ACRBP: variants seen among roughly 807,000 people sequenced by gnomAD.
The protein encoded by ACRBP is acrosin binding protein.
ACRBP carries 52 observed loss-of-function variants against 69.0 expected under a neutral mutation model. The observed-to-expected ratio is 0.75, with a 90% CI of 0.60 to 0.95. The LOEUF (loss-of-function observed/expected upper bound fraction) is 0.95. Ranked by LOEUF, ACRBP falls within the 40% of genes least tolerant of loss-of-function variation. ACRBP has a pLI of 0.00. For synonymous variants in ACRBP, 267 were observed against 258.9 expected, an observed-to-expected ratio of 1.03 and a Z score of -0.30; for missense variants, 604 against 673.0, an observed-to-expected ratio of 0.90 and a Z score of 1.13.
Position 6,645,223 on chromosome 12 carries a change from T to A in ACRBP, c.472A>T (p.Thr158Ser). The A allele has an allele frequency of 1.2e-5, 20 of 1,609,498 alleles. No individual in the cohort carries two copies. The highest frequency in any genetic ancestry group is 1.6e-5 in the Non-Finnish European group (19 of 1,176,346). Residue 158 changes from threonine (T) to serine (S), a missense_variant, in exon 4 of 10, where the codon ACA (threonine) becomes TCA (serine). Physicochemically the swap from Thr to Ser is moderately conservative, Grantham distance 58. Transcript: ENST00000229243. ...TMTSPISPHF[T>S]VTERQTFQPW... is the part of the protein sequence containing the mutation. Reference sequence around the variant, plus strand: ...CCGGCTGCTGAGAGGGTCTCACCTGTGAAGTGGGGTGAGATGGGGGAGGTC... The same window carrying A: ...CCGGCTGCTGAGAGGGTCTCACCTGAGAAGTGGGGTGAGATGGGGGAGGTC...
rs777671054 is a variant in ACRBP, at chr12:6,647,426, CAG to C, written c.-62_-61del. ...AAGCCGCCTCTAACGGGCCAAGCCG[CAG>C]AGAGAGCCGCAGGCGCGGGGCGGGG... On this transcript the variant is annotated 5_prime_UTR_variant, in exon 1 of 10. Coordinates refer to ENST00000229243, the MANE Select transcript of ACRBP (RefSeq NM_032489.3). 2.4e-4 allele frequency: 354 copies of C among 1,457,184 alleles called. No individual in the cohort carries two copies. The highest frequency in any genetic ancestry group is 3.1e-4 in the Non-Finnish European group (336 of 1,095,004). The allele number at this position is 1,457,184 out of a possible 1,614,324, so 90.3% of individuals were successfully genotyped here.
At chr12:6,641,261 A>G (rs555096044) in intron 6 of ACRBP, among the ~76,000 whole-genome samples, 1 of 152,326 alleles carries the variant, frequency 6.6e-6, no homozygotes, top group African/African-American at 2.4e-5. Flanking sequence ...CCTCAGCACT[A>G]GCAGGAGATC....
chr12:6,646,901 G>C lies in ACRBP; in HGVS notation c.155C>G (p.Pro52Arg). ...EYERFFALLT[P>R]TWKAETTCRL... ...GCAGGTAGTCTCTGCCTTCCAGGTTGGAGTCAGCAGTGCGAAGAAGCGTTC... is the reference window on the plus strand; with the variant it reads ...GCAGGTAGTCTCTGCCTTCCAGGTTCGAGTCAGCAGTGCGAAGAAGCGTTC... Residue 52 changes from proline (P) to arginine (R), a missense_variant, in exon 2 of 10, where the codon CCA (proline) becomes CGA (arginine). Around this residue, in one of 3 missense-constraint regions of ACRBP, gnomAD observed 532 missense variants for 562.9 expected, o/e 0.95. Transcript: ENST00000229243. 6.2e-7 allele frequency: 1 copy of C among 1,614,166 alleles called. No homozygotes were observed. The highest frequency in any genetic ancestry group is 8.5e-7 in the Non-Finnish European group (1 of 1,180,034).
intron 1 of ACRBP, 113 bp downstream of exon 1, chr12:6,647,211 C>T: frequency 7.6e-7 from 1 of 1,317,626 alleles, no homozygotes; most frequent in Non-Finnish European, 1.0e-6. Context: ...CCTAGGGAGC[C>T]GACCCAGCGC....
intron 5 of ACRBP, 71 bp downstream of exon 5, chr12:6,644,066 A>G (rs1471663304): frequency 7.9e-6 from 12 of 1,519,898 alleles, no homozygotes; most frequent in Non-Finnish European, 1.1e-5. Flanking sequence ...AAGCTAGGAA[A>G]ATGGGCTTCT....
At chr12:6,642,873 G>A (rs1949062641) in intron 6 of ACRBP, among the ~76,000 whole-genome samples, 1 of 152,168 alleles carries the variant, frequency 6.6e-6, no homozygotes, top group Non-Finnish European at 1.5e-5. Flanking sequence ...AGATTCCCTG[G>A]AATGGGTTCT....
Position 6,644,248 on chromosome 12 carries a change from G to A in ACRBP, c.833C>T (p.Thr278Ile), listed in dbSNP as rs757538911. 3.0e-5 allele frequency: 48 copies of A among 1,614,138 alleles called. No homozygotes were observed. The East Asian group carries it at 1.0e-3, about 35-fold the overall frequency. Residue 278 changes from threonine (T) to isoleucine (I), a missense_variant, in exon 5 of 10, where the codon ACT becomes ATT. By Grantham distance (89) the Thr-to-Ile change is moderately conservative. Coordinates refer to ENST00000229243, the MANE Select transcript of ACRBP (RefSeq NM_032489.3). ...FAPRVREVES[T>I]PMIMENIQEL... The stretch of plus-strand genomic sequence containing the variant: ...CTGGATGTTCTCCATTATCATAGGA[G>A]TAGACTCTACTTCTCGTACCCGGGG...
chr12:6,644,586 G>A lies in ACRBP; in HGVS notation c.495C>T (p.Phe165=). 4.3e-6 allele frequency: 7 copies of A among 1,613,250 alleles called. No individual in the cohort carries two copies. The highest frequency in any genetic ancestry group is 5.9e-6 in the Non-Finnish European group (7 of 1,179,600). Residue 165 remains phenylalanine, a synonymous_variant, in exon 5 of 10, where the codon TTC becomes TTT. Coordinates refer to ENST00000229243, the MANE Select transcript of ACRBP (RefSeq NM_032489.3). ...PHFTVTERQT[F]QPWPERLSNN... is the part of the protein sequence containing the mutation. ...TGCTGAGCCTCTCAGGCCAGGGCTG[G>A]AAGGTCTGGCGTTCTGTCACTACAG...
chr12:6,641,746 T>A (rs1157683681), intron 6 of ACRBP, among the ~76,000 whole-genome samples: 2 of 152,166 alleles, frequency 1.3e-5, no homozygotes, highest in African/African-American at 4.8e-5. Flanking sequence ...ATTTCACTCA[T>A]GAAATTTCTA....
At chr12:6,645,359 G>C in intron 3 of ACRBP, 22 bp from the exon 4 acceptor site, 1 of 1,577,016 alleles carries the variant, frequency 6.3e-7, no homozygotes, top group Non-Finnish European at 8.7e-7. Context: ...GAAGGAAAAT[G>C]GGAAAGCCTT....
intron 6 of ACRBP, among the ~76,000 whole-genome samples, chr12:6,642,867 TC>T (rs1455833359): frequency 1.3e-5 from 2 of 152,196 alleles, no homozygotes; most frequent in Non-Finnish European, 2.9e-5. Flanking sequence ...CTTTACAGAT[TC>T]CCTGGAATGG....
Position 6,640,596 on chromosome 12 carries a change from G to A in ACRBP, c.1078-74C>T, listed in dbSNP as rs1284651967. The A allele has an allele frequency of 1.8e-5, 27 of 1,501,976 alleles. No homozygotes were observed. Among genetic ancestry groups the A allele is most frequent in the Non-Finnish European group, 2.4e-5 (27 of 1,106,524 alleles). The allele number at this position is 1,501,976 out of a possible 1,614,324, so 93.0% of individuals were successfully genotyped here. A position where few individuals can be genotyped will look rare whatever the true frequency, so the allele number is the denominator to read the frequency against. On this transcript the variant is annotated intron_variant, in intron 6 of 9. Transcript: ENST00000229243. The surrounding 1 kb of genome is among the most constrained non-coding windows in gnomAD (Gnocchi z 5.3). ...CTTCTCCCATGCCTCAGCCCTCCAGGGTGGGCCCTGCAGAATGTCTTTGCA... is the reference window on the plus strand; with the variant it reads ...CTTCTCCCATGCCTCAGCCCTCCAGAGTGGGCCCTGCAGAATGTCTTTGCA...
At chr12:6,645,368 TTTCCTAAA>T in intron 3 of ACRBP, 31 bp from the exon 4 acceptor site, 2 of 1,546,398 alleles carry the variant, frequency 1.3e-6, no homozygotes, top group Non-Finnish European at 1.8e-6. Flanking sequence ...TGGGAAAGCC[TTTCCTAAA>T]GGGCAGACTT....
At position 6,647,016 on chromosome 12, in the gene ACRBP, C is replaced by A. The variant is rs764310716; in HGVS notation, c.44-4G>T. ...GGTGCCAGAGGCAGGAGCAGCACTG[C>A]GGAGCGGGCGAACGGATGATGGAAG... On this transcript the variant is annotated splice_polypyrimidine_tract_variant and splice_region_variant and intron_variant, in intron 1 of 9. Transcript: ENST00000229243. The A allele has an allele frequency of 3.1e-6, 5 of 1,607,076 alleles. No individual in the cohort carries two copies. In the African/African-American group the frequency reaches 5.3e-5, roughly 17 times the overall value.
At chr12:6,642,995 T>C (rs1169796331) in intron 6 of ACRBP, among the ~76,000 whole-genome samples, 1 of 152,168 alleles carries the variant, frequency 6.6e-6, no homozygotes, top group Non-Finnish European at 1.5e-5. Context: ...CTCATGCCTG[T>C]AATCCCAGCA....
At chr12:6,645,151 G>A in intron 4 of ACRBP, 69 bp downstream of exon 4, 1 of 1,219,316 alleles carries the variant, frequency 8.2e-7, no homozygotes, top group South Asian at 1.3e-5. Flanking sequence ...TGCCATGGAT[G>A]CCTTACGTTG....
chr12:6,646,461 C>G (rs375468536), intron 3 of ACRBP, 22 bp downstream of exon 3: 152 of 1,611,460 alleles, frequency 9.4e-5, no homozygotes, highest in Non-Finnish European at 1.2e-4. Flanking sequence ...GCACCAAATC[C>G]AACCTTTGTC....
chr12:6,643,228 A>C (rs1949065862), intron 6 of ACRBP, among the ~76,000 whole-genome samples: 2 of 152,156 alleles, frequency 1.3e-5, no homozygotes, highest in Non-Finnish European at 2.9e-5. Flanking sequence ...ACTCCCCTCC[A>C]GCCTGAGTAA....
At chr12:6,639,884 A>G (rs1050883089) in intron 8 of ACRBP, among the ~76,000 whole-genome samples, 176 bp downstream of exon 8, 2 of 151,974 alleles carry the variant, frequency 1.3e-5, no homozygotes, top group Non-Finnish European at 2.9e-5. Flanking sequence ...CTATTGGTGG[A>G]GGGTGGGGTG....
Sources: gnomAD v4.1 joint callset for allele counts (sites outside exome capture counted in the v4.1 genomes callset) on GRCh38, gnomAD v4.1.1 for gene constraint, gnomAD v4.1.1 regional missense constraint, Gnocchi (gnomAD v3.1) non-coding constraint, MANE v1.5 for transcripts, NCBI Gene and HGNC (gene_info 2026-07-23, HGNC 2026-07-21) for gene names.